ATG10: variants seen among roughly 807,000 people sequenced by gnomAD.
ATG10 encodes the protein autophagy related 10, also known as ubiquitin-like-conjugating enzyme ATG10.
Under a neutral mutation model 32.1 loss-of-function variants are expected in ATG10, and 30 were observed. That is an observed-to-expected ratio of 0.94 (90% CI 0.70 to 1.27). The LOEUF (loss-of-function observed/expected upper bound fraction) is 1.27. Among genes scored for constraint, ATG10 ranks in the 50% most tolerant of loss-of-function variants. ATG10 has a pLI of 0.00. For missense variants in ATG10, 233 were observed against 262.3 expected, an observed-to-expected ratio of 0.89 and a Z score of 0.77; for synonymous variants, 87 against 91.5, an observed-to-expected ratio of 0.95 and a Z score of 0.28.
intron 3 of ATG10, among the ~76,000 whole-genome samples, chr5:82,161,696 A>ACACACACACACACAC (rs1743351306): frequency 7.7e-6 from 1 of 129,664 alleles, no homozygotes; most frequent in Non-Finnish European, 1.6e-5. Flanking sequence ...TTAGAGAATA[A>ACACACACACACACAC]ACACACACAC....
chr5:82,080,962 A>G (rs1764456924), intron 3 of ATG10, among the ~76,000 whole-genome samples: 2 of 152,208 alleles, frequency 1.3e-5, no homozygotes, highest in Admixed American at 6.5e-5. Context: ...CAGTATGGCC[A>G]TTGTCACAAT....
In ATG10 at chr5:82,092,461, G is replaced by A. The variant is rs112622519; in HGVS notation, c.216+33859G>A. Among the ~76,000 whole-genome samples the A allele has an allele frequency of 2.3e-3, 355 of 152,262 alleles. 2 individuals are homozygous for A. Among genetic ancestry groups the A allele is most frequent in the African/African-American group, 7.8e-3 (324 of 41,568 alleles). On this transcript the variant is annotated intron_variant, in intron 3 of 7. Transcript: ENST00000282185. ...AAGCTTAATGGCTTGCAGCAACGTG[G>A]TTTACTATTTCTCAAGAGTCTGTAG... is the stretch of plus-strand genomic sequence containing the variant.
intron 3 of ATG10, among the ~76,000 whole-genome samples, chr5:82,117,340 T>C (rs1765847993): frequency 6.6e-6 from 1 of 152,134 alleles, no homozygotes. Context: ...GCTGATTAGA[T>C]TTCCTAGTAT....
At chr5:82,119,427 A>G (rs1051730645) in intron 3 of ATG10, among the ~76,000 whole-genome samples, 1 of 152,166 alleles carries the variant, frequency 6.6e-6, no homozygotes, top group African/African-American at 2.4e-5. Context: ...AGGATGAGAA[A>G]GCTGTAATTG....
At chr5:82,210,189 G>C (rs1745442468) in intron 5 of ATG10, among the ~76,000 whole-genome samples, 1 of 152,236 alleles carries the variant, frequency 6.6e-6, no homozygotes, top group Middle Eastern at 3.4e-3. Flanking sequence ...AAATGTGTAT[G>C]TAATAGCTTC....
intron 3 of ATG10, among the ~76,000 whole-genome samples, chr5:82,125,865 C>G (rs191664845): frequency 1.3e-5 from 2 of 152,270 alleles, no homozygotes; most frequent in South Asian, 4.1e-4. Context: ...TTAGTTTGGG[C>G]AGTATGGCCA....
chr5:82,192,444 C>T (rs994686689), intron 5 of ATG10, among the ~76,000 whole-genome samples: 1 of 152,092 alleles, frequency 6.6e-6, no homozygotes, highest in Non-Finnish European at 1.5e-5. Flanking sequence ...TAGCTTGACC[C>T]AAAGAGAGTT....
chr5:82,251,142 A>C (rs931360793), intron 5 of ATG10, among the ~76,000 whole-genome samples: 1 of 152,146 alleles, frequency 6.6e-6, no homozygotes, highest in African/African-American at 2.4e-5. Flanking sequence ...CACCACCACC[A>C]CCCCAAATCT....
chr5:82,254,899 A>AGTGTGTGTGTGTGTGTGTGTGTGTGT lies in ATG10; in HGVS notation c.*858_*859insGTGTGTGTGTGTGTGTGTGTGTGTGT, dbSNP rs10654850. 1 of 149,644 alleles carries AGTGTGTGTGTGTGTGTGTGTGTGTGT rather than the reference A, an allele frequency of 6.7e-6. No individual in the cohort carries two copies. Among genetic ancestry groups the AGTGTGTGTGTGTGTGTGTGTGTGTGT allele is most frequent in the Non-Finnish European group, 1.5e-5 (1 of 67,462 alleles). The allele number at this position is 149,644 out of a possible 1,614,324, so 9.3% of individuals were successfully genotyped here. ...AAAAGAGAGAGAGAGAGTGAGTGTG[A>AGTGTGTGTGTGTGTGTGTGTGTGTGT]GTGTGTGTGTGTGTGTGTGTGTATG... On this transcript the variant is annotated 3_prime_UTR_variant, in exon 8 of 8. Transcript: ENST00000282185.
intron 2 of ATG10, among the ~76,000 whole-genome samples, chr5:82,053,009 T>G (rs1763477722): frequency 6.6e-6 from 1 of 152,190 alleles, no homozygotes; most frequent in South Asian, 2.1e-4. Context: ...AAGTAACATT[T>G]CTGGATCCAA....
chr5:82,058,624 G>A (rs746650579), intron 3 of ATG10, 22 bp downstream of exon 3: 1 of 1,471,358 alleles, frequency 6.8e-7, no homozygotes, highest in East Asian at 2.3e-5. Flanking sequence ...AATGCATCAT[G>A]TTCTTTTCAG....
intron 3 of ATG10, among the ~76,000 whole-genome samples, chr5:82,062,138 A>G (rs967521078): frequency 2.6e-5 from 4 of 152,076 alleles, no homozygotes; most frequent in Admixed American, 2.0e-4. Flanking sequence ...GCTGAATTCT[A>G]AAAGAGTTTA....
chr5:82,235,640 C>T (rs894196446), intron 5 of ATG10, among the ~76,000 whole-genome samples: 1 of 152,188 alleles, frequency 6.6e-6, no homozygotes, highest in African/African-American at 2.4e-5. Context: ...TCTGCACTTG[C>T]AGGGGTTTGA....
intron 1 of ATG10, among the ~76,000 whole-genome samples, chr5:81,974,897 A>G (rs555813850): frequency 2.6e-5 from 4 of 152,166 alleles, no homozygotes; most frequent in Admixed American, 6.5e-5. Flanking sequence ...AATCTGTTCC[A>G]AGGTTCACTG....
intron 3 of ATG10, among the ~76,000 whole-genome samples, chr5:82,117,726 G>A (rs1248289788): frequency 6.6e-6 from 1 of 152,098 alleles, no homozygotes; most frequent in African/African-American, 2.4e-5. Flanking sequence ...TCTGAGACCA[G>A]GTATTAGAAA....
At chr5:82,033,729 AACACAC>A (rs59922803) in intron 2 of ATG10, among the ~76,000 whole-genome samples, 8,681 of 146,106 alleles carry the variant, frequency 0.059, 268 homozygotes, top group African/African-American at 0.087. Context: ...ATACTATACA[AACACAC>A]ACACACACAC....
At chr5:82,218,828 A>T (rs1745805248) in intron 5 of ATG10, among the ~76,000 whole-genome samples, 1 of 152,220 alleles carries the variant, frequency 6.6e-6, no homozygotes, top group African/African-American at 2.4e-5. Flanking sequence ...CCAAGCTGTG[A>T]TATGGAAGAC....
At chr5:82,080,980 C>G (rs964215867) in intron 3 of ATG10, among the ~76,000 whole-genome samples, 4 of 152,212 alleles carry the variant, frequency 2.6e-5, no homozygotes, top group African/African-American at 9.6e-5. Context: ...AATATTGATT[C>G]TTCCTGTCCA....
chr5:82,174,326 T>A (rs577032423), intron 4 of ATG10, among the ~76,000 whole-genome samples: 1 of 152,224 alleles, frequency 6.6e-6, no homozygotes, highest in Non-Finnish European at 1.5e-5. Context: ...CCTTTTACAG[T>A]GTAAGTGGTC....
Sources: allele counts gnomAD v4.1 joint callset (sites outside exome capture counted in the v4.1 genomes callset), GRCh38; gene constraint gnomAD v4.1.1; transcripts MANE v1.5; gene names NCBI Gene and HGNC (gene_info 2026-07-23, HGNC 2026-07-21).